Variants in ASPHD1 observed in about 807,000 individuals in gnomAD.
The protein encoded by ASPHD1 is aspartate beta-hydroxylase domain containing 1.
ASPHD1 carries 20 observed loss-of-function variants against 28.3 expected under a neutral mutation model. The observed-to-expected ratio is 0.71, with a 90% CI of 0.50 to 1.03. ASPHD1 has a LOEUF of 1.03. Ranked by LOEUF, ASPHD1 falls within the 50% of genes least tolerant of loss-of-function variation. The pLI, the probability that ASPHD1 is intolerant of heterozygous loss-of-function variation, is 0.00. For synonymous variants in ASPHD1, 240 were observed against 221.2 expected, an observed-to-expected ratio of 1.08 and a Z score of -0.75; for missense variants, 479 against 524.1, an observed-to-expected ratio of 0.91 and a Z score of 0.84.
chr16:29,915,615 A>G (rs563298472), intron 3 of ASPHD1, among the ~76,000 whole-genome samples: 11 of 152,086 alleles, frequency 7.2e-5, no homozygotes, highest in South Asian at 4.2e-4. Context: ...CAAAAAAAAA[A>G]AAAAGAAAAG....
intron 3 of ASPHD1, among the ~76,000 whole-genome samples, chr16:29,918,219 T>C (rs1471933706): frequency 6.6e-6 from 1 of 152,246 alleles, no homozygotes; most frequent in African/African-American, 2.4e-5. Context: ...CATTGATAGG[T>C]AACTGCCTTA....
At chr16:29,908,510 G>C (rs561032677), downstream of ASPHD1, among the ~76,000 whole-genome samples, 1 of 151,910 alleles carries the variant, frequency 6.6e-6, no homozygotes, top group Non-Finnish European at 1.5e-5. Context: ...TCAACCTCCC[G>C]GAGTAGCTGG....
rs1597003380 is a variant in ASPHD1, at chr16:29,901,884, T to C, written c.913T>C (p.Cys305Arg). 6.6e-7 allele frequency: 1 copy of C among 1,523,974 alleles called. No homozygotes were observed. Among genetic ancestry groups the C allele is most frequent in the Non-Finnish European group, 8.8e-7 (1 of 1,139,046 alleles). The allele number at this position is 1,523,974 out of a possible 1,614,324, so 94.4% of individuals were successfully genotyped here. A position where few individuals can be genotyped will look rare whatever the true frequency, so the allele number is the denominator to read the frequency against. Residue 305 changes from cysteine (C) to arginine (R), a missense_variant, in exon 1 of 3, where the codon TGT becomes CGT. Cys to Arg is a radical substitution (Grantham distance 180). Coordinates refer to ENST00000308748, the MANE Select transcript of ASPHD1 (RefSeq NM_181718.4). The surrounding 1 kb of genome is among the most constrained non-coding windows in gnomAD (Gnocchi z 5.1). Reference sequence around the variant, plus strand: ...GCCTGGGGCCCGGCTCGAGGGCCGCTGTGGGCCCACCAATGCCCGGGTCAG... The same window carrying C: ...GCCTGGGGCCCGGCTCGAGGGCCGCCGTGGGCCCACCAATGCCCGGGTCAG... ...LLPGARLEGR[C>R]GPTNARVRCH...
chr16:29,918,685 C>T (rs1253009928), intron 3 of ASPHD1, among the ~76,000 whole-genome samples: 3 of 152,000 alleles, frequency 2.0e-5, no homozygotes, highest in Admixed American at 1.3e-4. Context: ...GAGATGGAGT[C>T]TCGCACTGTT....
intron 2 of ASPHD1, 42 bp downstream of exon 2, chr16:29,905,007 G>A (rs1281271599): frequency 1.4e-6 from 2 of 1,458,264 alleles, no homozygotes; most frequent in East Asian, 4.6e-5. Context: ...AGGGACTCAG[G>A]AGCAAAGGAG....
chr16:29,903,081 C>T (rs1335223982), intron 1 of ASPHD1, among the ~76,000 whole-genome samples: 4 of 150,568 alleles, frequency 2.7e-5, no homozygotes, highest in South Asian at 2.1e-4. Context: ...GTAGGCCAGG[C>T]GCGGTGGCTC....
downstream of ASPHD1, among the ~76,000 whole-genome samples, chr16:29,908,913 T>C (rs1051888163): frequency 3.3e-5 from 5 of 151,884 alleles, no homozygotes; most frequent in Admixed American, 1.3e-4. Flanking sequence ...CAGGCTGGCC[T>C]CAAACTCCTG....
intron 3 of ASPHD1, chr16:29,914,469 T>G (rs2068774279): frequency 6.8e-6 from 1 of 147,716 alleles, no homozygotes; most frequent in Non-Finnish European, 1.5e-5. Context: ...GGAGTCTTGC[T>G]CTGTCTCCCA....
rs1463981537 is a variant in ASPHD1 at position 29,911,902 on chromosome 16, G to A, written c.*62+5943G>A. ...GAGAGAGGATGGACGAGAGGGGTGA[G>A]GCTGCAGGGAGAGGCCCCCCCAGTG... On this transcript the variant is annotated intron_variant and NMD_transcript_variant, in intron 3 of 3. Coordinates refer to the ASPHD1 transcript ENST00000414952. 5.6e-6 allele frequency: 9 copies of A among 1,610,434 alleles called. No individual in the cohort carries two copies. The African/African-American group carries it at 6.7e-5, about 12-fold the overall frequency.
Position 29,905,937 on chromosome 16 carries a change from C to A in ASPHD1, c.*40C>A. The A allele has an allele frequency of 7.1e-7, 1 of 1,412,532 alleles. No homozygotes were observed. The highest frequency in any genetic ancestry group is 9.6e-7 in the Non-Finnish European group (1 of 1,039,666). 87.5% of individuals were successfully genotyped at this position (1,412,532 alleles called of 1,614,324 possible). ...TTCACACACCCAGGCTGGAGAGACA[C>A]TGCGCTCAGGGACGGCTTGATGGTA... is the stretch of plus-strand genomic sequence containing the variant. On this transcript the variant is annotated 3_prime_UTR_variant, in exon 3 of 3. Transcript: ENST00000308748.
downstream of ASPHD1, chr16:29,910,903 G>A (rs2068695447): frequency 3.5e-6 from 5 of 1,434,154 alleles, no homozygotes; most frequent in Admixed American, 2.0e-5. Flanking sequence ...TCCTTCCCCT[G>A]CCAACCTGCT....
chr16:29,900,831 TG>T lies in ASPHD1; in HGVS notation c.-138del, dbSNP rs551334813. 2.3e-5 allele frequency: 16 copies of T among 704,830 alleles called. No individual in the cohort carries two copies. Among genetic ancestry groups the T allele is most frequent in the Non-Finnish European group, 3.7e-5 (16 of 434,262 alleles). The allele number at this position is 704,830 out of a possible 1,614,324, so 43.7% of individuals were successfully genotyped here. On this transcript the variant is annotated 5_prime_UTR_variant, in exon 1 of 3. Coordinates refer to ENST00000308748, the MANE Select transcript of ASPHD1 (RefSeq NM_181718.4). ...TGGGGAGGAAAGGGGGAGATTGAGG[TG>T]GGAGAGAGAAGCAGAGCGAGAGAGA...
downstream of ASPHD1, chr16:29,906,144 C>A: frequency 1.5e-5 from 4 of 267,592 alleles, no homozygotes; most frequent in African/African-American, 2.3e-5. Flanking sequence ...CCTTTTTTTT[C>A]TTTCTTTTTT....
At position 29,904,612 on chromosome 16, in the gene ASPHD1, CAA is replaced by C. The variant is rs1243404965; in HGVS notation, c.950-221_950-220del. ...TGGGTGAGAGAGTGAGACTTTGTCT[CAA>C]AAAAAAAAAAAAAAAAAAGATGGGT... On this transcript the variant is annotated intron_variant, in intron 1 of 2. Coordinates refer to ENST00000308748, the MANE Select transcript of ASPHD1 (RefSeq NM_181718.4). 3.2e-3 allele frequency among the ~76,000 whole-genome samples: 216 copies of C among 66,488 alleles called. 1 individual carries two copies. Among genetic ancestry groups the C allele is most frequent in the African/African-American group, 8.1e-3 (194 of 23,978 alleles). The allele number at this position is 66,488 out of a possible 152,430, so 43.6% of individuals were successfully genotyped here. A position where few individuals can be genotyped will look rare whatever the true frequency, so the allele number is the denominator to read the frequency against.
At chr16:29,904,442 C>T (rs753325927) in intron 1 of ASPHD1, among the ~76,000 whole-genome samples, 7 of 149,828 alleles carry the variant, frequency 4.7e-5, no homozygotes, top group Non-Finnish European at 7.4e-5. Context: ...AAGACTACAT[C>T]TCAAAAAAAA....
At chr16:29,918,132 T>C (rs1209202110) in intron 3 of ASPHD1, among the ~76,000 whole-genome samples, 1 of 152,208 alleles carries the variant, frequency 6.6e-6, no homozygotes, top group Non-Finnish European at 1.5e-5. Context: ...GTAATAATGT[T>C]GAAGAGAAAA....
intron 3 of ASPHD1, chr16:29,912,144 A>C (rs944243122): frequency 5.0e-6 from 4 of 802,740 alleles, no homozygotes; most frequent in Non-Finnish European, 8.4e-6. Flanking sequence ...ACAACTCCAG[A>C]CTCCTCAGTG....
chr16:29,914,763 G>A (rs192212101), intron 3 of ASPHD1: 34 of 152,368 alleles, frequency 2.2e-4, no homozygotes, highest in African/African-American at 7.9e-4. Context: ...GCAGACCTGT[G>A]AGCTAAAGAG....
downstream of ASPHD1, among the ~76,000 whole-genome samples, chr16:29,909,603 C>G (rs2068670360): frequency 1.3e-5 from 2 of 151,894 alleles, no homozygotes; most frequent in Non-Finnish European, 2.9e-5. Context: ...GACTCAGGAT[C>G]TACAAACTCA....
Sources: allele counts gnomAD v4.1 joint callset (sites outside exome capture counted in the v4.1 genomes callset), GRCh38; gene constraint gnomAD v4.1.1; non-coding constraint Gnocchi (gnomAD v3.1); transcripts MANE v1.5; gene names NCBI Gene and HGNC (gene_info 2026-07-23, HGNC 2026-07-21).